TRAPPC6A: variants seen among roughly 807,000 people sequenced by gnomAD.
TRAPPC6A encodes TRAPP complex subunit 6A.
TRAPPC6A carries 25 observed loss-of-function variants against 20.8 expected under a neutral mutation model. That is an observed-to-expected ratio of 1.20 (90% CI 0.88 to 1.68). TRAPPC6A has a LOEUF of 1.68. TRAPPC6A is among the 40% of genes most tolerant of loss of function. The pLI, the probability that TRAPPC6A is intolerant of heterozygous loss-of-function variation, is 0.00. For missense variants in TRAPPC6A, 215 were observed against 211.6 expected (o/e 1.02, Z -0.10); for synonymous variants, 96 against 93.3 (o/e 1.03, Z -0.16).
At position 45,172,552 on chromosome 19, in the gene TRAPPC6A, C is replaced by G. The variant is rs1451897348; in HGVS notation, c.84+5583G>C. Among the ~76,000 whole-genome samples, 1 of 151,654 alleles carries G rather than the reference C, an allele frequency of 6.6e-6. No homozygotes were observed. Among genetic ancestry groups the G allele is most frequent in the Non-Finnish European group, 1.5e-5 (1 of 68,030 alleles). ...GCCCTGGTTAAGAAAAGCACACAGACAGAAGTGCTGGCACACAGATGGGTG... is the reference window on the plus strand; with the variant it reads ...GCCCTGGTTAAGAAAAGCACACAGAGAGAAGTGCTGGCACACAGATGGGTG... On this transcript the variant is annotated intron_variant, in intron 1 of 5. Coordinates refer to ENST00000585934, the MANE Select transcript of TRAPPC6A (RefSeq NM_001270891.2). This position sits in a 1 kb window ranked among gnomAD's most constrained non-coding sequence, Gnocchi z 4.2.
At chr19:45,170,210 C>T (rs940875669) in intron 1 of TRAPPC6A, among the ~76,000 whole-genome samples, 3 of 152,220 alleles carry the variant, frequency 2.0e-5, no homozygotes, top group Non-Finnish European at 4.4e-5. Context: ...TGAGGGTCAA[C>T]GCAGGCCACG....
chr19:45,164,300 G>T (rs1006977093), intron 3 of TRAPPC6A, 53 bp from the exon 4 acceptor site: 10 of 1,259,580 alleles, frequency 7.9e-6, no homozygotes. Context: ...CATTTGAAGC[G>T]CAGGGAGGGT....
intron 1 of TRAPPC6A, among the ~76,000 whole-genome samples, chr19:45,171,753 G>A (rs1969273003): frequency 6.6e-6 from 1 of 152,136 alleles, no homozygotes. Context: ...GAACGATGCA[G>A]GAGAAGAAAT....
In TRAPPC6A at chr19:45,163,304, C is replaced by A. The variant is rs866585921; in HGVS notation, c.449-81G>T. 3 of 1,498,914 alleles carry A rather than the reference C, an allele frequency of 2.0e-6. No homozygotes were observed. Among genetic ancestry groups the A allele is most frequent in the Admixed American group, 1.8e-5 (1 of 56,028 alleles). The allele number at this position is 1,498,914 out of a possible 1,614,324, so 92.9% of individuals were successfully genotyped here. On this transcript the variant is annotated intron_variant, in intron 5 of 5. Coordinates refer to ENST00000585934, the MANE Select transcript of TRAPPC6A (RefSeq NM_001270891.2). This position sits in a 1 kb window ranked among gnomAD's most constrained non-coding sequence, Gnocchi z 5.3. ...CCTGGACGGCTCTTAGGCGCTCACCCCCGTCCTGCACTGACACCCCAGTGG... is the reference window on the plus strand; with the variant it reads ...CCTGGACGGCTCTTAGGCGCTCACCACCGTCCTGCACTGACACCCCAGTGG...
intron 1 of TRAPPC6A, among the ~76,000 whole-genome samples, chr19:45,168,042 G>A (rs927234165): frequency 1.6e-5 from 2 of 123,618 alleles, no homozygotes; most frequent in African/African-American, 3.2e-5. Context: ...TCGCCCTGTC[G>A]CCCAGGCTGG....
intron 1 of TRAPPC6A, among the ~76,000 whole-genome samples, chr19:45,166,711 C>T (rs1220411118): frequency 3.3e-5 from 5 of 152,106 alleles, no homozygotes; most frequent in African/African-American, 9.7e-5. Flanking sequence ...CTCACCCTCC[C>T]GCTGGCTGCT....
intron 2 of TRAPPC6A, 60 bp downstream of exon 2, chr19:45,165,067 C>T: frequency 6.2e-7 from 1 of 1,611,022 alleles, no homozygotes; most frequent in Non-Finnish European, 8.5e-7. Flanking sequence ...ACCCTCCCCG[C>T]CCGGGGCCTG....
At chr19:45,177,379 C>T (rs1031893791) in intron 1 of TRAPPC6A, among the ~76,000 whole-genome samples, 13 of 152,076 alleles carry the variant, frequency 8.5e-5, no homozygotes, top group Middle Eastern at 3.4e-3. Context: ...CTCGCTCTGT[C>T]GCCTAGGCTG....
At position 45,172,981 on chromosome 19, in the gene TRAPPC6A, C is replaced by A. The variant is rs1014901852; in HGVS notation, c.84+5154G>T. ...TTCCGGGCAGGGACCTATCTGACAG[C>A]CGCTCCGCCCGCCCCACACCCTCCT... On this transcript the variant is annotated intron_variant, in intron 1 of 5. Coordinates refer to ENST00000585934, the MANE Select transcript of TRAPPC6A (RefSeq NM_001270891.2). The surrounding 1 kb of genome is among the most constrained non-coding windows in gnomAD (Gnocchi z 4.2). Among the ~76,000 whole-genome samples, 6 of 151,672 alleles carry A rather than the reference C, an allele frequency of 4.0e-5. No individual in the cohort carries two copies. Among genetic ancestry groups the A allele is most frequent in the East Asian group, 3.9e-4 (2 of 5,176 alleles).
At position 45,163,920 on chromosome 19, in the gene TRAPPC6A, G is replaced by A. The variant is rs375096851; in HGVS notation, c.444C>T (p.Pro148=). The A allele has an allele frequency of 1.0e-4, 165 of 1,575,454 alleles. No individual in the cohort carries two copies. The highest frequency in any genetic ancestry group is 2.4e-4 in the African/African-American group (18 of 74,552). Residue 148 remains proline, a synonymous_variant, in exon 5 of 6, where the codon CCC becomes CCT. Coordinates refer to ENST00000585934, the MANE Select transcript of TRAPPC6A (RefSeq NM_001270891.2). The surrounding 1 kb of genome is among the most constrained non-coding windows in gnomAD (Gnocchi z 5.3). ...CCCCCACCCCCCATGACTCACAGAC[G>A]GGCAGGGCTGCCACGGAGGCGGTGA... The part of the protein sequence containing the change: ...SVVTASVAAL[P]VCKFQVVIPK...
At chr19:45,164,653 G>T (rs1482041893) in intron 3 of TRAPPC6A, 200 bp downstream of exon 3, 17 of 609,002 alleles carry the variant, frequency 2.8e-5, no homozygotes, top group Non-Finnish European at 3.8e-5. Context: ...GGCTGGAGAA[G>T]TTCCGGAAAC....
intron 1 of TRAPPC6A, among the ~76,000 whole-genome samples, chr19:45,166,347 C>A (rs1021200154): frequency 6.6e-5 from 10 of 151,924 alleles, no homozygotes; most frequent in African/African-American, 2.4e-4. Context: ...GCTGGGATTA[C>A]AGGCCTGTGT....
chr19:45,170,389 G>A (rs916610798), intron 1 of TRAPPC6A, among the ~76,000 whole-genome samples: 1 of 152,168 alleles, frequency 6.6e-6, no homozygotes, highest in Non-Finnish European at 1.5e-5. Context: ...CCCCTAGGAA[G>A]CACCCCGACT....
chr19:45,175,847 C>T (rs753556768), intron 1 of TRAPPC6A, among the ~76,000 whole-genome samples: 5 of 152,130 alleles, frequency 3.3e-5, no homozygotes, highest in Non-Finnish European at 7.4e-5. Flanking sequence ...TACCCACCCC[C>T]AGGCTGATGC....
chr19:45,175,390 G>A (rs1969348280), intron 1 of TRAPPC6A, among the ~76,000 whole-genome samples: 1 of 150,542 alleles, frequency 6.6e-6, no homozygotes, highest in South Asian at 2.1e-4. Context: ...TCGCGCCACT[G>A]CACTCCAGCC....
chr19:45,163,293 A>G lies in TRAPPC6A; in HGVS notation c.449-70T>C, dbSNP rs1224159502. ...GGCAGAGGGCACCTGGACGGCTCTT[A>G]GGCGCTCACCCCCGTCCTGCACTGA... is the stretch of plus-strand genomic sequence containing the variant. On this transcript the variant is annotated intron_variant, in intron 5 of 5. Coordinates refer to ENST00000585934, the MANE Select transcript of TRAPPC6A (RefSeq NM_001270891.2). This position sits in a 1 kb window ranked among gnomAD's most constrained non-coding sequence, Gnocchi z 5.3. 2 of 1,561,010 alleles carry G rather than the reference A, an allele frequency of 1.3e-6. No homozygotes were observed. The highest frequency in any genetic ancestry group is 1.8e-6 in the Non-Finnish European group (2 of 1,136,404).
Position 45,173,333 on chromosome 19 carries a change from CAGGAT to C in TRAPPC6A, c.84+4797_84+4801del. Among the ~76,000 whole-genome samples, 1 of 151,914 alleles carries C rather than the reference CAGGAT, an allele frequency of 6.6e-6. No homozygotes were observed. Among genetic ancestry groups the C allele is most frequent in the East Asian group, 1.9e-4 (1 of 5,174 alleles). ...GGCCACAAATAACCACCGTACCAGG[CAGGAT>C]AGGAGGTCACAAAAGCCCTACACAC... On this transcript the variant is annotated intron_variant, in intron 1 of 5. Coordinates refer to ENST00000585934, the MANE Select transcript of TRAPPC6A (RefSeq NM_001270891.2). The surrounding 1 kb of genome is among the most constrained non-coding windows in gnomAD (Gnocchi z 4.8).
chr19:45,170,762 C>T (rs561658402), intron 1 of TRAPPC6A, among the ~76,000 whole-genome samples: 10 of 152,338 alleles, frequency 6.6e-5, no homozygotes, highest in African/African-American at 2.4e-4. Flanking sequence ...GCTGGATACA[C>T]GGCTGTGTGA....
chr19:45,162,942 C>T lies in TRAPPC6A; in HGVS notation c.*250G>A, dbSNP rs541447358. 1.0e-5 allele frequency: 4 copies of T among 395,782 alleles called. No homozygotes were observed. Among genetic ancestry groups the T allele is most frequent in the Non-Finnish European group, 1.8e-5 (4 of 222,274 alleles). The allele number at this position is 395,782 out of a possible 1,614,324, so 24.5% of individuals were successfully genotyped here. On this transcript the variant is annotated 3_prime_UTR_variant, in exon 6 of 6. Coordinates refer to ENST00000585934, the MANE Select transcript of TRAPPC6A (RefSeq NM_001270891.2). ...ACTGCTCTGAGTCAGATTCCACACA[C>T]ACAGCCTTTATTGAGCAGCTACTGG...
Sources: gnomAD v4.1 joint callset for allele counts (sites outside exome capture counted in the v4.1 genomes callset) on GRCh38, gnomAD v4.1.1 for gene constraint, Gnocchi (gnomAD v3.1) non-coding constraint, MANE v1.5 for transcripts, NCBI Gene and HGNC (gene_info 2026-07-23, HGNC 2026-07-21) for gene names.